Variants in HOMER1 observed in about 807,000 individuals in gnomAD.
The protein encoded by HOMER1 is homer protein homolog 1.
HOMER1 carries 3 observed loss-of-function variants against 48.9 expected under a neutral mutation model. That is an observed-to-expected ratio of 0.06 (90% CI 0.03 to 0.16). The LOEUF (loss-of-function observed/expected upper bound fraction) is 0.16. Ranked by LOEUF, HOMER1 falls within the 10% of genes least tolerant of loss-of-function variation. The pLI, the probability that HOMER1 is intolerant of heterozygous loss-of-function variation, is 1.00. For synonymous variants in HOMER1, 134 were observed against 146.4 expected, an observed-to-expected ratio of 0.92 and a Z score of 0.61; for missense variants, 247 against 411.4, an observed-to-expected ratio of 0.60 and a Z score of 3.46.
chr5:79,412,068 G>A (rs908433029), intron 5 of HOMER1, among the ~76,000 whole-genome samples: 1 of 151,978 alleles, frequency 6.6e-6, no homozygotes, highest in African/African-American at 2.4e-5. Flanking sequence ...GCAGTGAGTG[G>A]AGATCATGCC....
intron 1 of HOMER1, among the ~76,000 whole-genome samples, chr5:79,461,810 T>G (rs1751323932): frequency 6.6e-6 from 1 of 152,172 alleles, no homozygotes; most frequent in Non-Finnish European, 1.5e-5. Context: ...CAGTATTATT[T>G]CTTAAACGGG....
chr5:79,429,453 T>G (rs1750360253), intron 5 of HOMER1, among the ~76,000 whole-genome samples: 1 of 152,138 alleles, frequency 6.6e-6, no homozygotes, highest in South Asian at 2.1e-4. Flanking sequence ...AACCCTCATA[T>G]TTACCATCAG....
chr5:79,483,594 A>G (rs948995540), intron 1 of HOMER1, among the ~76,000 whole-genome samples: 3 of 152,122 alleles, frequency 2.0e-5, no homozygotes, highest in African/African-American at 7.2e-5. Context: ...TGACTATGAG[A>G]AAATGTTAAA....
At chr5:79,419,563 C>T (rs928367881) in intron 5 of HOMER1, among the ~76,000 whole-genome samples, 1 of 151,696 alleles carries the variant, frequency 6.6e-6, no homozygotes. Flanking sequence ...GTAACTATTA[C>T]TTATTTAGAG....
intron 1 of HOMER1, among the ~76,000 whole-genome samples, chr5:79,499,523 A>AAATT (rs1752516953): frequency 6.6e-6 from 1 of 152,086 alleles, no homozygotes; most frequent in African/African-American, 2.4e-5. Flanking sequence ...AATTTGAAAA[A>AAATT]ACAGGTTAAC....
Position 79,414,007 on chromosome 5 carries a change from CA to C in HOMER1, c.528-11953del, listed in dbSNP as rs1373857710. ...GATATAACTGAAAGTCTCCATTTGT[CA>C]GCAAGTCATTAACTTACTAAACACA... is the stretch of plus-strand genomic sequence containing the variant. On this transcript the variant is annotated intron_variant, in intron 5 of 8. Coordinates refer to ENST00000334082, the MANE Select transcript of HOMER1 (RefSeq NM_004272.5). 8.5e-5 allele frequency among the ~76,000 whole-genome samples: 13 copies of C among 152,282 alleles called. No homozygotes were observed. In the South Asian group the frequency reaches 2.5e-3, roughly 29 times the overall value.
In HOMER1 at chr5:79,478,108, AG is replaced by A. The variant is rs1031645879; in HGVS notation, c.6-21091del. On this transcript the variant is annotated intron_variant, in intron 1 of 8. Coordinates refer to ENST00000334082, the MANE Select transcript of HOMER1 (RefSeq NM_004272.5). ...TTCATACTTACAACGAGGCATTTAA[AG>A]AGTCAGGATTAGAAACCACATCTTC... is the stretch of plus-strand genomic sequence containing the variant. 3.9e-5 allele frequency among the ~76,000 whole-genome samples: 6 copies of A among 152,234 alleles called. 1 individual carries two copies. Among genetic ancestry groups the A allele is most frequent in the Admixed American group, 3.9e-4 (6 of 15,288 alleles).
chr5:79,439,144 G>C lies in HOMER1; in HGVS notation c.393C>G (p.Ser131=). The C allele has an allele frequency of 6.2e-7, 1 of 1,613,554 alleles. No homozygotes were observed. The highest frequency in any genetic ancestry group is 8.5e-7 in the Non-Finnish European group (1 of 1,179,800). ...AAGGAGACTGAAGATCCCCGCCTGC[G>C]GATTCCTTTAAAAAAAGGGGTGGGG... The part of the protein sequence containing the change: ...MELTSTPSQE[S]AGGDLQSPLT... The change falls in exon 5 of 9, where the codon TCC becomes TCG. Residue 131 remains serine, a synonymous_variant. Transcript: ENST00000334082.
intron 8 of HOMER1, among the ~76,000 whole-genome samples, chr5:79,377,246 G>A (rs150307699): frequency 0.029 from 4,461 of 152,190 alleles, 224 homozygotes; most frequent in African/African-American, 0.1. Context: ...GATTACAGGC[G>A]TGAGCCACCC....
chr5:79,410,060 AT>A (rs1749775193), intron 5 of HOMER1, among the ~76,000 whole-genome samples: 2 of 152,188 alleles, frequency 1.3e-5, no homozygotes, highest in African/African-American at 4.8e-5. Flanking sequence ...TCTTTTTACA[AT>A]TTTCTTTTTT....
At chr5:79,439,299 A>C in intron 4 of HOMER1, 150 bp from the exon 5 acceptor site, 2 of 712,672 alleles carry the variant, frequency 2.8e-6, no homozygotes, top group Non-Finnish European at 4.2e-6. Flanking sequence ...AACATAAAAC[A>C]TGGAAATTTT....
intron 5 of HOMER1, among the ~76,000 whole-genome samples, chr5:79,423,709 A>T (rs992952772): frequency 1.3e-5 from 2 of 152,110 alleles, no homozygotes; most frequent in African/African-American, 2.4e-5. Flanking sequence ...TTAATTTCCT[A>T]GACTAAAGGC....
chr5:79,493,458 G>T (rs1342593103), intron 1 of HOMER1, among the ~76,000 whole-genome samples: 2 of 152,156 alleles, frequency 1.3e-5, no homozygotes, highest in Non-Finnish European at 2.9e-5. Context: ...ATGAAGGCAA[G>T]GCTCTTTGTT....
chr5:79,385,072 G>A (rs955158672), intron 8 of HOMER1, among the ~76,000 whole-genome samples: 1 of 152,002 alleles, frequency 6.6e-6, no homozygotes, highest in African/African-American at 2.4e-5. Flanking sequence ...GAGATAGGGT[G>A]AGACCCCTAC....
At chr5:79,390,526 A>T (rs990437122) in intron 8 of HOMER1, among the ~76,000 whole-genome samples, 1 of 152,226 alleles carries the variant, frequency 6.6e-6, no homozygotes, top group African/African-American at 2.4e-5. Context: ...CACAGAAATG[A>T]TAACAATGAA....
intron 8 of HOMER1, among the ~76,000 whole-genome samples, chr5:79,383,007 G>T (rs965222790): frequency 6.6e-6 from 1 of 152,132 alleles, no homozygotes. Flanking sequence ...TTGTAAAAAG[G>T]CTTACAGATC....
At chr5:79,500,872 G>A (rs1025470476) in intron 1 of HOMER1, among the ~76,000 whole-genome samples, 3 of 151,098 alleles carry the variant, frequency 2.0e-5, no homozygotes, top group Non-Finnish European at 4.4e-5. Context: ...TGATCCGCCC[G>A]CCTCAGCCTC....
intron 5 of HOMER1, among the ~76,000 whole-genome samples, chr5:79,435,431 A>G (rs1056905302): frequency 5.3e-5 from 8 of 152,192 alleles, no homozygotes; most frequent in Non-Finnish European, 1.2e-4. Flanking sequence ...CATTCTAGTG[A>G]TTTTGCTCCT....
intron 1 of HOMER1, among the ~76,000 whole-genome samples, chr5:79,480,046 T>A (rs1318389903): frequency 6.6e-6 from 1 of 152,042 alleles, no homozygotes; most frequent in Non-Finnish European, 1.5e-5. Flanking sequence ...CGTAGTTGAG[T>A]AGTAAGTCTA....
Sources: gnomAD v4.1 joint callset for allele counts (sites outside exome capture counted in the v4.1 genomes callset) on GRCh38, gnomAD v4.1.1 for gene constraint, MANE v1.5 for transcripts, NCBI Gene and HGNC (gene_info 2026-07-23, HGNC 2026-07-21) for gene names.